TLE4: variants seen among roughly 807,000 people sequenced by gnomAD.
TLE4 encodes the protein TLE family member 4, transcriptional corepressor.
TLE4 carries 8 observed loss-of-function variants against 92.8 expected under a neutral mutation model. That is an observed-to-expected ratio of 0.09 (90% CI 0.05 to 0.16). The LOEUF is 0.16. Ranked by LOEUF, TLE4 falls within the 10% of genes least tolerant of loss-of-function variation. The pLI is 1.00. For synonymous variants in TLE4, 371 were observed against 374.1 expected, an observed-to-expected ratio of 0.99 and a Z score of 0.10; for missense variants, 675 against 997.6, an observed-to-expected ratio of 0.68 and a Z score of 4.36.
chr9:79,601,697 C>G (rs527497101), intron 4 of TLE4, among the ~76,000 whole-genome samples: 1 of 152,260 alleles, frequency 6.6e-6, no homozygotes, highest in South Asian at 2.1e-4. Context: ...TTTCCCTCTC[C>G]TCAGGCTTCC....
chr9:79,656,937 C>T (rs767007073), intron 8 of TLE4, among the ~76,000 whole-genome samples: 18 of 152,056 alleles, frequency 1.2e-4, no homozygotes, highest in Admixed American at 2.0e-4. Flanking sequence ...CCAAATTGCA[C>T]GCTGTTGGCT....
At chr9:79,688,628 C>T (rs779934986) in intron 8 of TLE4, among the ~76,000 whole-genome samples, 2 of 151,626 alleles carry the variant, frequency 1.3e-5, no homozygotes, top group Non-Finnish European at 2.9e-5. Context: ...AACACTGAGG[C>T]TTTGATGTTT....
intron 6 of TLE4, among the ~76,000 whole-genome samples, chr9:79,628,621 T>C (rs1326906615): frequency 6.6e-6 from 1 of 151,510 alleles, no homozygotes; most frequent in African/African-American, 2.4e-5. Context: ...TGGTAGGAAA[T>C]TAGCAGATGT....
At chr9:79,661,163 C>T (rs573430529) in intron 8 of TLE4, among the ~76,000 whole-genome samples, 1 of 152,326 alleles carries the variant, frequency 6.6e-6, no homozygotes, top group Non-Finnish European at 1.5e-5. Flanking sequence ...ATTTCAAAAA[C>T]ATTTGTTTCT....
chr9:79,723,211 G>A (rs534711033), intron 19 of TLE4, among the ~76,000 whole-genome samples, 176 bp downstream of exon 19: 2 of 152,336 alleles, frequency 1.3e-5, no homozygotes, highest in African/African-American at 4.8e-5. Context: ...AAGCCGTGGA[G>A]CTGGGGATAG....
chr9:79,630,222 G>A (rs1564502580), intron 6 of TLE4, among the ~76,000 whole-genome samples: 1 of 152,038 alleles, frequency 6.6e-6, no homozygotes, highest in Non-Finnish European at 1.5e-5. Context: ...TACCTTCATT[G>A]GTAAATGAGC....
intron 8 of TLE4, among the ~76,000 whole-genome samples, chr9:79,700,855 C>T (rs1356322075): frequency 4.6e-5 from 7 of 151,830 alleles, no homozygotes; most frequent in African/African-American, 1.7e-4. Flanking sequence ...CACACACATA[C>T]ACACACACAC....
intron 6 of TLE4, among the ~76,000 whole-genome samples, chr9:79,640,208 C>T (rs1587686132): frequency 1.3e-5 from 2 of 151,870 alleles, no homozygotes; most frequent in South Asian, 4.2e-4. Flanking sequence ...AATGGCATAC[C>T]ATGTAGCTGT....
intron 5 of TLE4, among the ~76,000 whole-genome samples, chr9:79,625,247 C>T (rs2052288279): frequency 6.6e-6 from 1 of 151,644 alleles, no homozygotes. Context: ...TCTCGATCTC[C>T]TGACCTCGTG....
chr9:79,676,570 A>G (rs1236083561), intron 8 of TLE4, among the ~76,000 whole-genome samples: 1 of 152,204 alleles, frequency 6.6e-6, no homozygotes, highest in Non-Finnish European at 1.5e-5. Flanking sequence ...AAAGAAAAGT[A>G]GGATATGCAA....
At position 79,649,271 on chromosome 9, in the gene TLE4, T is replaced by C. The variant is rs955493649; in HGVS notation, c.391-3322T>C. Reference sequence around the variant, plus strand: ...GAAGACAGGGACGGACATACATACATACACACACACACACACACACACACA... The same window carrying C: ...GAAGACAGGGACGGACATACATACACACACACACACACACACACACACACA... On this transcript the variant is annotated intron_variant, in intron 6 of 19. Coordinates refer to ENST00000376552, the MANE Select transcript of TLE4 (RefSeq NM_007005.6). Among the ~76,000 whole-genome samples the C allele has an allele frequency of 2.8e-4, 41 of 147,358 alleles. No individual in the cohort carries two copies. The South Asian group carries it at 4.2e-3, about 15-fold the overall frequency.
intron 4 of TLE4, among the ~76,000 whole-genome samples, chr9:79,582,012 T>G (rs1412394027): frequency 6.6e-6 from 1 of 152,186 alleles, no homozygotes; most frequent in Non-Finnish European, 1.5e-5. Context: ...AGGCAACCTA[T>G]TTCTCATTTG....
chr9:79,592,884 G>A (rs2043051599), intron 4 of TLE4, among the ~76,000 whole-genome samples: 1 of 152,100 alleles, frequency 6.6e-6, no homozygotes. Context: ...ATTGTCTTGG[G>A]CAACTACTGT....
At position 79,706,808 on chromosome 9, in the gene TLE4, C is replaced by A; in HGVS notation, c.845C>A (p.Thr282Lys). Reference sequence around the variant, plus strand: ...CCCAGAGAGAATGGCCTAGACAAGACACGCCTGCTCAAGAAAGATGCCCCG... The same window carrying A: ...CCCAGAGAGAATGGCCTAGACAAGAAACGCCTGCTCAAGAAAGATGCCCCG... ...HSPRENGLDK[T>K]RLLKKDAPIS... Residue 282 changes from threonine to lysine, a missense_variant, in exon 11 of 20, where the codon ACA becomes AAA. Around this residue, in one of 5 missense-constraint regions of TLE4, gnomAD observed 280 missense variants for 287.3 expected, o/e 0.97. Coordinates refer to ENST00000376552, the MANE Select transcript of TLE4 (RefSeq NM_007005.6). 1 of 1,614,188 alleles carries A rather than the reference C, an allele frequency of 6.2e-7. No individual in the cohort carries two copies. The highest frequency in any genetic ancestry group is 8.5e-7 in the Non-Finnish European group (1 of 1,180,036).
Position 79,720,080 on chromosome 9 carries a change from T to C in TLE4, c.1625T>C (p.Leu542Pro), listed in dbSNP as rs1426428542. 6.2e-6 allele frequency: 10 copies of C among 1,613,684 alleles called. No homozygotes were observed. Among genetic ancestry groups the C allele is most frequent in the Non-Finnish European group, 8.5e-6 (10 of 1,179,724 alleles). ...RDNYIRSCRL[L>P]PDGRTLIVGG... Reference sequence around the variant, plus strand: ...AACTACATCCGTTCCTGCAGATTGCTCCCTGATGGTCGCACCCTAATTGTT... The same window carrying C: ...AACTACATCCGTTCCTGCAGATTGCCCCCTGATGGTCGCACCCTAATTGTT... The change falls in exon 16 of 20, where the codon CTC (leucine) becomes CCC (proline). Residue 542 changes from leucine to proline, a missense_variant. Physicochemically the swap from Leu to Pro is moderately conservative, Grantham distance 98. Transcript: ENST00000376552.
intron 8 of TLE4, among the ~76,000 whole-genome samples, chr9:79,672,282 T>C (rs1275509891): frequency 6.6e-6 from 1 of 152,082 alleles, no homozygotes; most frequent in East Asian, 1.9e-4. Flanking sequence ...TTTGCCCTCA[T>C]GGGAAGAGTG....
chr9:79,614,884 C>G (rs2049151145), intron 5 of TLE4, among the ~76,000 whole-genome samples: 1 of 152,074 alleles, frequency 6.6e-6, no homozygotes, highest in African/African-American at 2.4e-5. Context: ...ATTTCTTCTT[C>G]CAGTGTGGCC....
intron 8 of TLE4, among the ~76,000 whole-genome samples, chr9:79,693,298 C>T (rs767366878): frequency 2.8e-4 from 43 of 152,226 alleles, no homozygotes; most frequent in Non-Finnish European, 5.1e-4. Context: ...GAATCTCCCC[C>T]ACCCAACCTC....
At chr9:79,703,550 G>A (rs2070573103) in intron 8 of TLE4, among the ~76,000 whole-genome samples, 1 of 152,100 alleles carries the variant, frequency 6.6e-6, no homozygotes. Context: ...GACCTTCATG[G>A]CAGATAGAGT....
Sources: allele counts gnomAD v4.1 joint callset (sites outside exome capture counted in the v4.1 genomes callset), GRCh38; gene constraint gnomAD v4.1.1; regional missense constraint gnomAD v4.1.1; transcripts MANE v1.5; gene names NCBI Gene and HGNC (gene_info 2026-07-23, HGNC 2026-07-21).